Variants in NUP214 observed in about 807,000 individuals in gnomAD.
NUP214 encodes nuclear pore complex protein Nup214.
In NUP214, 79 loss-of-function variants were observed where a neutral mutation model predicts 196.2. That is an observed-to-expected ratio of 0.40 (90% CI 0.34 to 0.49). The LOEUF (loss-of-function observed/expected upper bound fraction) is 0.49. Ranked by LOEUF, NUP214 falls within the 20% of genes least tolerant of loss-of-function variation. NUP214 has a pLI of 0.58. For synonymous variants in NUP214, 1,020 were observed against 990.5 expected, an observed-to-expected ratio of 1.03 and a Z score of -0.56; for missense variants, 2,468 against 2,539.0, an observed-to-expected ratio of 0.97 and a Z score of 0.60.
intron 23 of NUP214, among the ~76,000 whole-genome samples, chr9:131,176,299 TCTC>T (rs1484217719): frequency 6.6e-6 from 1 of 151,926 alleles, no homozygotes; most frequent in African/African-American, 2.4e-5. Flanking sequence ...CATTTTTTCT[TCTC>T]CAACTATATC....
intron 21 of NUP214, among the ~76,000 whole-genome samples, chr9:131,167,977 G>A (rs750847183): frequency 2.6e-4 from 40 of 152,112 alleles, no homozygotes; most frequent in African/African-American, 4.1e-4. Flanking sequence ...CCCAACCTCC[G>A]TGGCTGAAGC....
chr9:131,142,252 C>T (rs992864932), intron 11 of NUP214, among the ~76,000 whole-genome samples: 7 of 152,262 alleles, frequency 4.6e-5, no homozygotes, highest in South Asian at 4.2e-4. Context: ...TGGGATGGGA[C>T]GAGGTTTGTT....
rs750437571 is a variant in NUP214, at chr9:131,232,106, G to T, written c.6215-178G>T. 7.9e-5 allele frequency among the ~76,000 whole-genome samples: 12 copies of T among 152,100 alleles called. No individual in the cohort carries two copies. The highest frequency in any genetic ancestry group is 1.6e-4 in the Non-Finnish European group (11 of 68,022). On this transcript the variant is annotated intron_variant, in intron 34 of 35. Coordinates refer to ENST00000359428, the MANE Select transcript of NUP214 (RefSeq NM_005085.4). This position sits in a 1 kb window ranked among gnomAD's most constrained non-coding sequence, Gnocchi z 5.1. ...CTTCTGGGGGATCTGAGTAGCTCCAGAGGACAAACTCAGAATAAAGGGGCT... is the reference window on the plus strand; with the variant it reads ...CTTCTGGGGGATCTGAGTAGCTCCATAGGACAAACTCAGAATAAAGGGGCT...
rs1173903362 is a variant in NUP214, at chr9:131,151,449, G to A, written c.2278-287G>A. On this transcript the variant is annotated intron_variant, in intron 16 of 35. Transcript: ENST00000359428. ...TTTGGAAAGAGGCAAGTTCTTTAGA[G>A]TGTTAGCAGTAATTATCTTCACATA... 2.6e-5 allele frequency among the ~76,000 whole-genome samples: 4 copies of A among 152,182 alleles called. No individual in the cohort carries two copies. The East Asian group carries it at 7.7e-4, about 29-fold the overall frequency.
Position 131,233,539 on chromosome 9 carries a change from C to T in NUP214, c.*52C>T, listed in dbSNP as rs369466855. The stretch of plus-strand genomic sequence containing the variant: ...CTGGGACCAACCGCATCCTCAGCTT[C>T]TTCCCCGAGAAATGCTGGAGCAGGC... On this transcript the variant is annotated 3_prime_UTR_variant, in exon 36 of 36. Coordinates refer to ENST00000359428, the MANE Select transcript of NUP214 (RefSeq NM_005085.4). 141 of 1,608,082 alleles carry T rather than the reference C, an allele frequency of 8.8e-5. No homozygotes were observed. The highest frequency in any genetic ancestry group is 3.3e-4 in the Middle Eastern group (2 of 6,054).
intron 34 of NUP214, among the ~76,000 whole-genome samples, chr9:131,231,015 C>T (rs1834861548): frequency 1.3e-5 from 2 of 151,990 alleles, no homozygotes; most frequent in South Asian, 4.1e-4. Context: ...TGTTAAAATT[C>T]GCCAGACATG....
chr9:131,169,432 C>A (rs962810862), intron 21 of NUP214, among the ~76,000 whole-genome samples: 1 of 152,100 alleles, frequency 6.6e-6, no homozygotes, highest in African/African-American at 2.4e-5. Context: ...ATCACTTGAG[C>A]CCAAGAGTTC....
At chr9:131,192,598 A>G (rs1833637470) in intron 27 of NUP214, 1 of 205,044 alleles carries the variant, frequency 4.9e-6, no homozygotes, top group Admixed American at 5.9e-5. Context: ...TGTCACACTG[A>G]GATGTTTCCA....
chr9:131,181,633 G>A (rs1564197931), intron 24 of NUP214, among the ~76,000 whole-genome samples: 1 of 152,146 alleles, frequency 6.6e-6, no homozygotes, highest in Non-Finnish European at 1.5e-5. Flanking sequence ...TGTATCTTTG[G>A]AGAAATATCT....
In NUP214 at chr9:131,147,529, T is replaced by A; in HGVS notation, c.1985T>A (p.Met662Lys). 1 of 1,614,182 alleles carries A rather than the reference T, an allele frequency of 6.2e-7. No homozygotes were observed. The highest frequency in any genetic ancestry group is 8.5e-7 in the Non-Finnish European group (1 of 1,180,008). ...AQGSSSPVPS[M>K]VQKSPRITPP... is the part of the protein sequence containing the mutation. ...GGCAGTTCAAGCCCAGTGCCCTCAA[T>A]GGTACAGAAATCACCCAGGATAACC... is the stretch of plus-strand genomic sequence containing the variant. The change falls in exon 14 of 36, where the codon ATG (methionine) becomes AAG (lysine). Residue 662 changes from methionine (M) to lysine (K), a missense_variant. Coordinates refer to ENST00000359428, the MANE Select transcript of NUP214 (RefSeq NM_005085.4).
At chr9:131,180,750 A>G (rs1833252951) in intron 24 of NUP214, among the ~76,000 whole-genome samples, 1 of 152,214 alleles carries the variant, frequency 6.6e-6, no homozygotes, top group South Asian at 2.1e-4. Flanking sequence ...TACTAGAGAT[A>G]GGGTAGTTGA....
At position 131,216,610 on chromosome 9, in the gene NUP214, G is replaced by A. The variant is rs1244832922; in HGVS notation, c.5749+1242G>A. 2.0e-5 allele frequency among the ~76,000 whole-genome samples: 3 copies of A among 148,510 alleles called. No individual in the cohort carries two copies. In the East Asian group the frequency reaches 5.9e-4, roughly 29 times the overall value. On this transcript the variant is annotated intron_variant, in intron 31 of 35. Transcript: ENST00000359428. ...TGCAGTGGTGCAATCTCGGCTCACT[G>A]CAACCTCCCAGGTTCAAGCAATTCT...
intron 33 of NUP214, chr9:131,229,333 A>G: frequency 5.7e-6 from 1 of 176,140 alleles, no homozygotes; most frequent in Non-Finnish European, 1.2e-5. Context: ...GCCCTCAGGA[A>G]ACCCCAAGAA....
chr9:131,155,669 G>A (rs1832414552), intron 17 of NUP214, among the ~76,000 whole-genome samples: 1 of 152,084 alleles, frequency 6.6e-6, no homozygotes, highest in Non-Finnish European at 1.5e-5. Flanking sequence ...GGTGAGAGAT[G>A]AGGATCCAGT....
At chr9:131,177,309 T>A (rs1833146849) in intron 23 of NUP214, among the ~76,000 whole-genome samples, 1 of 152,204 alleles carries the variant, frequency 6.6e-6, no homozygotes, top group Admixed American at 6.5e-5. Context: ...AATTCTTTGA[T>A]CTCTTTAAAT....
Position 131,217,450 on chromosome 9 carries a change from G to A in NUP214, c.5749+2082G>A, listed in dbSNP as rs561519689. ...AAAACAAAAGTAGGTTCATGCTGAA[G>A]CAGGGGTCAGGAACTCCAAAACACA... On this transcript the variant is annotated intron_variant, in intron 31 of 35. Transcript: ENST00000359428. Among the ~76,000 whole-genome samples the A allele has an allele frequency of 2.0e-4, 30 of 152,356 alleles. 1 individual carries two copies. The South Asian group carries it at 5.6e-3, about 28-fold the overall frequency.
At chr9:131,147,685 G>T in intron 14 of NUP214, 101 bp downstream of exon 14, 1 of 908,298 alleles carries the variant, frequency 1.1e-6, no homozygotes, top group East Asian at 2.5e-5. Context: ...TTCAGACCTT[G>T]GACATAGTAA....
chr9:131,150,244 C>T, intron 14 of NUP214, 80 bp from the exon 15 acceptor site: 1 of 1,150,602 alleles, frequency 8.7e-7, no homozygotes. Context: ...ACAGGAGCGC[C>T]ACTCCCTGTA....
chr9:131,184,418 C>T (rs1443884010), intron 24 of NUP214, among the ~76,000 whole-genome samples: 1 of 151,098 alleles, frequency 6.6e-6, no homozygotes, highest in Non-Finnish European at 1.5e-5. Flanking sequence ...ACTGCAACCT[C>T]TGTCTCCCGG....
Sources: allele counts gnomAD v4.1 joint callset (sites outside exome capture counted in the v4.1 genomes callset), GRCh38; gene constraint gnomAD v4.1.1; non-coding constraint Gnocchi (gnomAD v3.1); transcripts MANE v1.5; gene names NCBI Gene and HGNC (gene_info 2026-07-23, HGNC 2026-07-21).